ABCB1: variants seen among roughly 807,000 people sequenced by gnomAD.
The protein encoded by ABCB1 is ATP-dependent translocase ABCB1.
In ABCB1, 69 loss-of-function variants were observed where a neutral mutation model predicts 142.0. The ratio of observed to expected loss-of-function variants is 0.49; its 90% CI spans 0.40 to 0.59. The LOEUF is 0.59. Ranked by LOEUF, ABCB1 falls within the 20% of genes least tolerant of loss-of-function variation. The probability of loss-of-function intolerance (pLI) is 0.00; values close to 1 mark genes in which losing one functional copy is unlikely to be tolerated. For synonymous variants in ABCB1, 532 were observed against 539.2 expected (o/e 0.99, Z 0.18); for missense variants, 1,326 against 1,554.7 (o/e 0.85, Z 2.47).
At chr7:87,510,550 C>T (rs1223164817) in intron 25 of ABCB1, among the ~76,000 whole-genome samples, 1 of 152,236 alleles carries the variant, frequency 6.6e-6, no homozygotes, top group Non-Finnish European at 1.5e-5. Flanking sequence ...GAGAGCTGTT[C>T]ATCCCTTCTG....
chr7:87,706,340 G>T (rs1829584032), intron 1 of ABCB1, among the ~76,000 whole-genome samples: 1 of 152,020 alleles, frequency 6.6e-6, no homozygotes, highest in Non-Finnish European at 1.5e-5. Flanking sequence ...TATAAGATCA[G>T]CTTGGTGCTG....
chr7:87,703,909 TTTTGG>T (rs1829335939), intron 1 of ABCB1, among the ~76,000 whole-genome samples: 3 of 105,390 alleles, frequency 2.8e-5, no homozygotes, highest in African/African-American at 4.0e-5. Context: ...TTTTTTTTTT[TTTTGG>T]TTTTTTTTTT....
At chr7:87,531,583 G>A in intron 20 of ABCB1, 86 bp from the exon 21 acceptor site, 1 of 1,221,258 alleles carries the variant, frequency 8.2e-7, no homozygotes, top group Non-Finnish European at 1.2e-6. Flanking sequence ...ACCTTCATGA[G>A]ACTATATTCA....
chr7:87,515,654 G>A (rs1489355118), intron 24 of ABCB1, among the ~76,000 whole-genome samples: 1 of 151,926 alleles, frequency 6.6e-6, no homozygotes, highest in Non-Finnish European at 1.5e-5. Context: ...GCAGTGGCAT[G>A]ATCTCAGCTC....
intron 4 of ABCB1, among the ~76,000 whole-genome samples, chr7:87,572,691 T>C (rs547709519): frequency 2.0e-5 from 3 of 152,240 alleles, no homozygotes; most frequent in East Asian, 3.9e-4. Flanking sequence ...ATGTGGTACA[T>C]AGATGCCATG....
At chr7:87,678,983 C>T (rs2130574269) in intron 1 of ABCB1, among the ~76,000 whole-genome samples, 1 of 151,724 alleles carries the variant, frequency 6.6e-6, no homozygotes, top group Non-Finnish European at 1.5e-5. Flanking sequence ...TTAGCAATGT[C>T]AACACTCCTC....
chr7:87,600,364 G>C (rs917552380), intron 1 of ABCB1, among the ~76,000 whole-genome samples, 174 bp from the exon 2 acceptor site: 2 of 152,210 alleles, frequency 1.3e-5, no homozygotes, highest in Admixed American at 1.3e-4. Context: ...TGTGCGCGGG[G>C]TCTCCAGCAT....
rs199607036 is a variant in ABCB1, at chr7:87,570,206, C to G, written c.304G>C (p.Gly102Arg). Residue 102 changes from glycine (G) to arginine (R), a missense_variant, in exon 5 of 28, where the codon GGG becomes CGG. Coordinates refer to ENST00000622132, the MANE Select transcript of ABCB1 (RefSeq NM_001348946.2). Reference sequence around the variant, plus strand: ...TCTTCCTCCAGATTCATGAAGAACCCTGTATCATTGATATCACCTAGACCA... The same window carrying G: ...TCTTCCTCCAGATTCATGAAGAACCGTGTATCATTGATATCACCTAGACCA... ...ITNRSDINDT[G>R]FFMNLEEDMT... The G allele has an allele frequency of 4.3e-5, 69 of 1,613,030 alleles. No homozygotes were observed. The East Asian group carries it at 1.5e-3, about 34-fold the overall frequency.
At chr7:87,577,518 T>G (rs1818319404) in intron 4 of ABCB1, among the ~76,000 whole-genome samples, 1 of 152,190 alleles carries the variant, frequency 6.6e-6, no homozygotes, top group African/African-American at 2.4e-5. Flanking sequence ...CTAATTTACA[T>G]TCTCAAAAAT....
intron 3 of ABCB1, among the ~76,000 whole-genome samples, chr7:87,587,411 C>T (rs1228905895): frequency 6.6e-6 from 1 of 152,180 alleles, no homozygotes; most frequent in African/African-American, 2.4e-5. Flanking sequence ...AAAGATATAA[C>T]CCTGCCTTCA....
chr7:87,581,021 C>G (rs1818483835), intron 4 of ABCB1, among the ~76,000 whole-genome samples: 1 of 151,364 alleles, frequency 6.6e-6, no homozygotes, highest in African/African-American at 2.4e-5. Flanking sequence ...AATAGTTGTT[C>G]AATTTGGTGT....
At chr7:87,585,802 A>T in intron 3 of ABCB1, 122 bp from the exon 4 acceptor site, 1 of 907,782 alleles carries the variant, frequency 1.1e-6, no homozygotes, top group Admixed American at 2.2e-5. Flanking sequence ...ATACCAACCT[A>T]GTCCAAGACA....
intron 1 of ABCB1, among the ~76,000 whole-genome samples, chr7:87,703,914 GTTTTTTTTTTTTTTT>G (rs35797972): frequency 9.3e-5 from 4 of 42,972 alleles, no homozygotes; most frequent in African/African-American, 3.8e-4. Context: ...TTTTTTTTTG[GTTTTTTTTTTTTTTT>G]TTTTTTTTTT....
intron 20 of ABCB1, among the ~76,000 whole-genome samples, chr7:87,533,918 G>A (rs929080977): frequency 1.3e-5 from 2 of 152,124 alleles, no homozygotes. Context: ...TTTTGCTTGA[G>A]TGGCTCATAT....
At chr7:87,698,335 C>G (rs2130680996) in intron 1 of ABCB1, among the ~76,000 whole-genome samples, 1 of 152,250 alleles carries the variant, frequency 6.6e-6, no homozygotes, top group East Asian at 1.9e-4. Context: ...ACCACATGAT[C>G]CTCCCACCTC....
At chr7:87,657,238 G>A (rs1450942986) in intron 1 of ABCB1, among the ~76,000 whole-genome samples, 2 of 152,124 alleles carry the variant, frequency 1.3e-5, no homozygotes, top group African/African-American at 4.8e-5. Flanking sequence ...CCCAGACTGG[G>A]TGTTGGATAA....
chr7:87,643,953 G>C (rs1584983217), intron 1 of ABCB1, among the ~76,000 whole-genome samples: 1 of 152,068 alleles, frequency 6.6e-6, no homozygotes, highest in Admixed American at 6.5e-5. Context: ...GTTCCTCCCA[G>C]GTTCAAGTGA....
At chr7:87,673,971 T>G (rs1325943263) in intron 1 of ABCB1, among the ~76,000 whole-genome samples, 3 of 152,152 alleles carry the variant, frequency 2.0e-5, no homozygotes, top group African/African-American at 7.2e-5. Context: ...AAGATTTTAG[T>G]GGGCCAAGGC....
chr7:87,503,567 T>C lies in ABCB1; in HGVS notation c.*676A>G, dbSNP rs1001493810. The C allele has an allele frequency of 6.5e-6, 1 of 153,500 alleles. No homozygotes were observed. Among genetic ancestry groups the C allele is most frequent in the Non-Finnish European group, 1.5e-5 (1 of 68,932 alleles). The allele number at this position is 153,500 out of a possible 1,614,324, so 9.5% of individuals were successfully genotyped here. A position where few individuals can be genotyped will look rare whatever the true frequency, so the allele number is the denominator to read the frequency against. ...CATCTGAATAATATGCACTTCATAA[T>C]TGTGCCTCACCCCACCTCCTAAAAT... On this transcript the variant is annotated 3_prime_UTR_variant, in exon 28 of 28. Coordinates refer to ENST00000622132, the MANE Select transcript of ABCB1 (RefSeq NM_001348946.2).
Sources: allele counts gnomAD v4.1 joint callset (sites outside exome capture counted in the v4.1 genomes callset), GRCh38; gene constraint gnomAD v4.1.1; transcripts MANE v1.5; gene names NCBI Gene and HGNC (gene_info 2026-07-23, HGNC 2026-07-21).